Variants in CBLB observed in about 807,000 individuals in gnomAD.
CBLB encodes E3 ubiquitin-protein ligase CBL-B.
In CBLB, 31 loss-of-function variants were observed where a neutral mutation model predicts 104.9. That is an observed-to-expected ratio of 0.30 (90% CI 0.22 to 0.40). The LOEUF (loss-of-function observed/expected upper bound fraction) is 0.40. CBLB is among the 10% of genes least tolerant of loss of function. CBLB has a pLI of 1.00. For synonymous variants in CBLB, 440 were observed against 422.6 expected, an observed-to-expected ratio of 1.04 and a Z score of -0.51; for missense variants, 1,062 against 1,214.6, an observed-to-expected ratio of 0.87 and a Z score of 1.87.
rs374942957 is a variant in CBLB at position 105,775,362 on chromosome 3, AAAAAACAAAAAC to A, written c.566+1022_566+1033del. 5.4e-3 allele frequency among the ~76,000 whole-genome samples: 810 copies of A among 150,244 alleles called. 5 individuals carry two copies. Among genetic ancestry groups the A allele is most frequent in the African/African-American group, 0.018 (755 of 41,224 alleles). ...TAGTAAACTATAGTACTTTGTAAAGAAAAAACAAAAACAAAAACAAAAACAAACAAAGGAAAA... is the reference window on the plus strand; with the variant it reads ...TAGTAAACTATAGTACTTTGTAAAGAAAAAACAAAAACAAACAAAGGAAAA... On this transcript the variant is annotated intron_variant, in intron 4 of 18. Transcript: ENST00000394030.
At chr3:105,833,779 GAAC>G (rs762465909) in intron 3 of CBLB, among the ~76,000 whole-genome samples, 26 of 151,302 alleles carry the variant, frequency 1.7e-4, no homozygotes, top group Non-Finnish European at 1.9e-4. Flanking sequence ...TGAAATCTTG[GAAC>G]AACACAAATT....
chr3:105,700,563 A>G (rs2068953074), intron 12 of CBLB, among the ~76,000 whole-genome samples: 1 of 151,888 alleles, frequency 6.6e-6, no homozygotes, highest in African/African-American at 2.4e-5. Flanking sequence ...TTTGAGGAGG[A>G]GCTCCCCACT....
intron 3 of CBLB, among the ~76,000 whole-genome samples, chr3:105,815,066 T>C (rs1246517006): frequency 6.6e-6 from 1 of 152,138 alleles, no homozygotes; most frequent in Non-Finnish European, 1.5e-5. Flanking sequence ...TAATTAGCCC[T>C]GTCAGGCATA....
chr3:105,702,494 A>AAAAC, intron 11 of CBLB, 35 bp from the exon 12 acceptor site: 1 of 1,476,960 alleles, frequency 6.8e-7, no homozygotes, highest in Non-Finnish European at 9.0e-7. Context: ...AAAAAAAAAA[A>AAAAC]AAAAACTAAA....
In CBLB at chr3:105,665,083, C is replaced by A. The variant is rs146798442; in HGVS notation, c.2689+5150G>T. On this transcript the variant is annotated intron_variant, in intron 18 of 18. Transcript: ENST00000394030. The stretch of plus-strand genomic sequence containing the variant: ...AGTTACTAAACTTTGTTATGTCTTT[C>A]TTTCTTCTATAAATTGACATTAATA... Among the ~76,000 whole-genome samples, 3 of 152,242 alleles carry A rather than the reference C, an allele frequency of 2.0e-5. No individual in the cohort carries two copies. The East Asian group carries it at 5.8e-4, about 29-fold the overall frequency.
At chr3:105,782,063 G>A (rs1028879435) in intron 3 of CBLB, among the ~76,000 whole-genome samples, 1 of 152,090 alleles carries the variant, frequency 6.6e-6, no homozygotes, top group Non-Finnish European at 1.5e-5. Flanking sequence ...GGAATGTTGT[G>A]ATTCCTAAGT....
chr3:105,717,876 A>G lies in CBLB; in HGVS notation c.1407+2171T>C, dbSNP rs540591522. Among the ~76,000 whole-genome samples the G allele has an allele frequency of 1.4e-4, 21 of 152,312 alleles. 1 individual carries two copies. Among genetic ancestry groups the G allele is most frequent in the South Asian group, 2.1e-4 (1 of 4,826 alleles). Reference sequence around the variant, plus strand: ...ATTGGTAATAATATAGTGAGCATTTATGACTTTGGTGACCTGACGTTCTTC... The same window carrying G: ...ATTGGTAATAATATAGTGAGCATTTGTGACTTTGGTGACCTGACGTTCTTC... On this transcript the variant is annotated intron_variant, in intron 10 of 18. Transcript: ENST00000394030.
intron 10 of CBLB, among the ~76,000 whole-genome samples, chr3:105,719,755 G>A (rs565418662): frequency 2.0e-5 from 3 of 152,182 alleles, no homozygotes; most frequent in South Asian, 2.1e-4. Context: ...AAAGTTAACC[G>A]TAACATAGTC....
At chr3:105,841,608 A>G (rs2089559490) in intron 3 of CBLB, among the ~76,000 whole-genome samples, 1 of 151,514 alleles carries the variant, frequency 6.6e-6, no homozygotes, top group South Asian at 2.1e-4. Flanking sequence ...ACCCGCCACC[A>G]CGCCCAGCTA....
chr3:105,837,320 T>C (rs550448048), intron 3 of CBLB, among the ~76,000 whole-genome samples: 36 of 152,372 alleles, frequency 2.4e-4, no homozygotes, highest in African/African-American at 7.2e-4. Context: ...GGACTATTCA[T>C]GTCGAAAGCA....
chr3:105,717,825 T>C (rs1338770555), intron 10 of CBLB, among the ~76,000 whole-genome samples: 1 of 152,208 alleles, frequency 6.6e-6, no homozygotes, highest in Non-Finnish European at 1.5e-5. Context: ...TCCTAGAATA[T>C]GTATTACATA....
Position 105,681,464 on chromosome 3 carries a change from T to C in CBLB, c.2428+15A>G. 6.2e-7 allele frequency: 1 copy of C among 1,613,732 alleles called. No individual in the cohort carries two copies. Among genetic ancestry groups the C allele is most frequent in the African/African-American group, 1.3e-5 (1 of 75,048 alleles). On this transcript the variant is annotated intron_variant, in intron 16 of 18. Coordinates refer to ENST00000394030, the MANE Select transcript of CBLB (RefSeq NM_170662.5). ...GGAGGGGTGGGTTGTTCAAAACTTTTTTAAAGGTTTCAACCTAATGGAGGG... is the reference window on the plus strand; with the variant it reads ...GGAGGGGTGGGTTGTTCAAAACTTTCTTAAAGGTTTCAACCTAATGGAGGG...
chr3:105,678,629 C>A (rs1249137541), intron 16 of CBLB, 58 bp from the exon 17 acceptor site: 4 of 1,519,958 alleles, frequency 2.6e-6, no homozygotes, highest in Non-Finnish European at 3.6e-6. Context: ...AAATACACAG[C>A]ATCTAACAAA....
At chr3:105,699,265 T>C (rs574690357) in intron 12 of CBLB, among the ~76,000 whole-genome samples, 4 of 152,292 alleles carry the variant, frequency 2.6e-5, no homozygotes, top group Admixed American at 6.5e-5. Flanking sequence ...GACAACTATT[T>C]TGAATAAAAA....
intron 10 of CBLB, among the ~76,000 whole-genome samples, chr3:105,707,581 C>T (rs963003271): frequency 6.6e-6 from 1 of 152,088 alleles, no homozygotes; most frequent in African/African-American, 2.4e-5. Flanking sequence ...TTTGCCTTAA[C>T]TTTCATTGCT....
chr3:105,692,600 T>C (rs557927988), intron 13 of CBLB, among the ~76,000 whole-genome samples: 2 of 152,184 alleles, frequency 1.3e-5, no homozygotes, highest in African/African-American at 4.8e-5. Context: ...GTATTAGGAA[T>C]CACTAAAAAA....
Position 105,720,302 on chromosome 3 carries a change from G to A in CBLB, c.1204-52C>T, listed in dbSNP as rs139813997. 57 of 1,474,630 alleles carry A rather than the reference G, an allele frequency of 3.9e-5. 1 individual carries two copies. The highest frequency in any genetic ancestry group is 2.3e-4 in the Middle Eastern group (1 of 4,364). The allele number at this position is 1,474,630 out of a possible 1,614,324, so 91.3% of individuals were successfully genotyped here. A position where few individuals can be genotyped will look rare whatever the true frequency, so the allele number is the denominator to read the frequency against. On this transcript the variant is annotated intron_variant, in intron 9 of 18. Coordinates refer to ENST00000394030, the MANE Select transcript of CBLB (RefSeq NM_170662.5). Reference sequence around the variant, plus strand: ...GGTTTTGTTCAAAATAAACAGTACCGAGAAATGCTAATAATGTTCTACAAC... The same window carrying A: ...GGTTTTGTTCAAAATAAACAGTACCAAGAAATGCTAATAATGTTCTACAAC...
At chr3:105,717,167 A>T (rs2072019260) in intron 10 of CBLB, among the ~76,000 whole-genome samples, 1 of 152,118 alleles carries the variant, frequency 6.6e-6, no homozygotes, top group Admixed American at 6.6e-5. Context: ...CCAAGCAGTA[A>T]GGTATACAAA....
At chr3:105,787,540 TCTGGCG>T (rs1431333826) in intron 3 of CBLB, among the ~76,000 whole-genome samples, 16 of 152,340 alleles carry the variant, frequency 1.1e-4, no homozygotes, top group African/African-American at 3.4e-4. Flanking sequence ...ACTAGATAAC[TCTGGCG>T]CTAAAATGTC....
Sources: gnomAD v4.1 joint callset for allele counts (sites outside exome capture counted in the v4.1 genomes callset) on GRCh38, gnomAD v4.1.1 for gene constraint, MANE v1.5 for transcripts, NCBI Gene and HGNC (gene_info 2026-07-23, HGNC 2026-07-21) for gene names.